The following DHRSX variants were observed in gnomAD, a reference collection of about 807,000 sequenced individuals.
The protein encoded by DHRSX is polyprenol dehydrogenase.
In DHRSX, 31 loss-of-function variants were observed where a neutral mutation model predicts 34.0. That is an observed-to-expected ratio of 0.91 (90% CI 0.69 to 1.23). The LOEUF (loss-of-function observed/expected upper bound fraction) is 1.23. Among genes scored for constraint, DHRSX ranks in the 50% most tolerant of loss-of-function variants. The pLI, the probability that DHRSX is intolerant of heterozygous loss-of-function variation, is 0.00. For synonymous variants in DHRSX, 201 were observed against 183.8 expected, an observed-to-expected ratio of 1.09 and a Z score of -0.76; for missense variants, 414 against 428.1, an observed-to-expected ratio of 0.97 and a Z score of 0.29.
At chrX:2,364,355 C>T (rs1308683860) in intron 3 of DHRSX, among the ~76,000 whole-genome samples, 19 of 152,158 alleles carry the variant, frequency 1.2e-4, no homozygotes, top group African/African-American at 2.2e-4. Flanking sequence ...CTGCTCAACA[C>T]GCTACAGTCC....
intron 3 of DHRSX, among the ~76,000 whole-genome samples, chrX:2,293,235 TTTGA>T (rs770352944): frequency 2.0e-4 from 30 of 149,992 alleles, no homozygotes; most frequent in African/African-American, 5.6e-4. Flanking sequence ...AAGTGATGTG[TTTGA>T]TTGTGTTAAA....
At chrX:2,287,328 A>G (rs904925198) in intron 4 of DHRSX, among the ~76,000 whole-genome samples, 2 of 151,592 alleles carry the variant, frequency 1.3e-5, no homozygotes, top group Non-Finnish European at 2.9e-5. Flanking sequence ...CCTCAGGTGG[A>G]AGACAGAATA....
intron 3 of DHRSX, among the ~76,000 whole-genome samples, chrX:2,342,120 T>A (rs977413478): frequency 4.6e-5 from 7 of 152,134 alleles, no homozygotes; most frequent in African/African-American, 1.7e-4. Flanking sequence ...TAGAAGCTTT[T>A]GTTTGTGGGC....
intron 3 of DHRSX, among the ~76,000 whole-genome samples, chrX:2,406,870 C>G (rs1234224702): frequency 2.6e-5 from 4 of 152,134 alleles, no homozygotes; most frequent in Non-Finnish European, 4.4e-5. Flanking sequence ...TTCCTCAAAT[C>G]ATTAAAAATA....
intron 3 of DHRSX, among the ~76,000 whole-genome samples, chrX:2,340,637 G>A (rs767081965): frequency 1.5e-4 from 23 of 152,102 alleles, no homozygotes; most frequent in Admixed American, 1.2e-3. Flanking sequence ...TGGACTCCCC[G>A]CCAGACACCC....
At chrX:2,253,150 T>G (rs939472202) in intron 5 of DHRSX, among the ~76,000 whole-genome samples, 1 of 151,886 alleles carries the variant, frequency 6.6e-6, no homozygotes, top group African/African-American at 2.4e-5. Context: ...ATAGCGTCAC[T>G]GCACGGCCTG....
At chrX:2,329,001 A>T (rs1319110235) in intron 3 of DHRSX, among the ~76,000 whole-genome samples, 1 of 152,206 alleles carries the variant, frequency 6.6e-6, no homozygotes, top group African/African-American at 2.4e-5. Flanking sequence ...GTACCTACTA[A>T]GAGAGACATG....
chrX:2,468,099 C>G (rs942997606), intron 1 of DHRSX, among the ~76,000 whole-genome samples: 2 of 152,120 alleles, frequency 1.3e-5, no homozygotes, highest in African/African-American at 4.8e-5. Context: ...CCTCCCAAGT[C>G]TACACGAATA....
intron 1 of DHRSX, among the ~76,000 whole-genome samples, chrX:2,481,111 C>T (rs1342618269): frequency 6.6e-6 from 1 of 152,108 alleles, no homozygotes; most frequent in Non-Finnish European, 1.5e-5. Context: ...AATATGGTAA[C>T]CAGCTTGATT....
chrX:2,292,886 T>C (rs904320837), intron 3 of DHRSX, among the ~76,000 whole-genome samples: 2 of 152,202 alleles, frequency 1.3e-5, no homozygotes, highest in Non-Finnish European at 2.9e-5. Flanking sequence ...ATACACAAAA[T>C]GACTCAGAAG....
chrX:2,491,059 G>A (rs1398024141), intron 1 of DHRSX, among the ~76,000 whole-genome samples: 4 of 137,942 alleles, frequency 2.9e-5, no homozygotes, highest in South Asian at 4.8e-4. Context: ...CCTGACAAGT[G>A]CCTTTAGTTT....
intron 3 of DHRSX, among the ~76,000 whole-genome samples, chrX:2,335,266 G>A (rs2124554875): frequency 6.6e-6 from 1 of 151,768 alleles, no homozygotes; most frequent in East Asian, 1.9e-4. Flanking sequence ...CTGACGACAT[G>A]TTCCCAAGGT....
intron 1 of DHRSX, chrX:2,488,642 A>C: frequency 6.2e-7 from 1 of 1,600,492 alleles, no homozygotes; most frequent in Non-Finnish European, 8.5e-7. Context: ...TCGCTACAGG[A>C]AGCTGCTGTC....
intron 3 of DHRSX, among the ~76,000 whole-genome samples, chrX:2,368,111 C>T (rs1457443582): frequency 6.6e-6 from 1 of 151,756 alleles, no homozygotes; most frequent in Admixed American, 6.6e-5. Context: ...GGCGTGGTGC[C>T]GTGTGCCTGT....
At chrX:2,445,255 T>C (rs1310274410) in intron 1 of DHRSX, among the ~76,000 whole-genome samples, 2 of 152,100 alleles carry the variant, frequency 1.3e-5, no homozygotes, top group Admixed American at 6.5e-5. Context: ...TCCGAAAAAG[T>C]TGCATGTCAG....
At chrX:2,227,499 G>GAAGGAAGGAGAGAGA in intron 6 of DHRSX, among the ~76,000 whole-genome samples, 1 of 141,728 alleles carries the variant, frequency 7.1e-6, no homozygotes, top group East Asian at 2.1e-4. Context: ...AGAAAAGAGG[G>GAAGGAAGGAGAGAGA]AAGGAAGGAG....
At chrX:2,490,575 T>A (rs1325640325) in intron 1 of DHRSX, 1 of 1,613,968 alleles carries the variant, frequency 6.2e-7, no homozygotes, top group Admixed American at 1.7e-5. Context: ...GCCATGCAGA[T>A]GCGGCAGTAG....
intron 2 of DHRSX, among the ~76,000 whole-genome samples, chrX:2,420,537 G>T (rs1364528368): frequency 6.6e-6 from 1 of 152,090 alleles, no homozygotes; most frequent in South Asian, 2.1e-4. Context: ...AAGGTCAAGA[G>T]ATCGAGACCA....
At chrX:2,463,995 C>A (rs1270025909) in intron 1 of DHRSX, among the ~76,000 whole-genome samples, 1 of 152,072 alleles carries the variant, frequency 6.6e-6, no homozygotes, top group Non-Finnish European at 1.5e-5. Context: ...ACACTGAAGA[C>A]ATTCGCTAAG....
Sources: gnomAD v4.1 joint callset for allele counts (sites outside exome capture counted in the v4.1 genomes callset) on GRCh38, gnomAD v4.1.1 for gene constraint, MANE v1.5 for transcripts, NCBI Gene and HGNC (gene_info 2026-07-23, HGNC 2026-07-21) for gene names.